The following PRELID3B variants were observed in gnomAD, a reference collection of about 807,000 sequenced individuals.
The protein encoded by PRELID3B is PRELI domain containing 3B.
PRELID3B carries 15 observed loss-of-function variants against 24.0 expected under a neutral mutation model. The observed-to-expected ratio is 0.63, with a 90% confidence interval of 0.42 to 0.96. PRELID3B has a LOEUF of 0.96. Among genes scored for constraint, PRELID3B ranks in the 40% least tolerant of loss-of-function variants. The probability of loss-of-function intolerance (pLI) is 0.00; values close to 1 mark genes in which losing one functional copy is unlikely to be tolerated. For missense variants in PRELID3B, 189 were observed against 236.0 expected, an observed-to-expected ratio of 0.80 and a Z score of 1.30; for synonymous variants, 62 against 76.0, an observed-to-expected ratio of 0.82 and a Z score of 0.96.
At chr20:59,037,096 A>G in intron 3 of PRELID3B, 95 bp downstream of exon 3, 2 of 915,416 alleles carry the variant, frequency 2.2e-6, no homozygotes, top group South Asian at 2.9e-5. Context: ...TCTGAACCAC[A>G]TCATGAACAC....
intron 1 of PRELID3B, 136 bp downstream of exon 1, chr20:59,042,563 G>T: frequency 1.1e-6 from 1 of 951,136 alleles, no homozygotes. Context: ...GTGTCGCCGG[G>T]GCCCGCAGGC....
At chr20:59,035,274 G>T in intron 5 of PRELID3B, 148 bp from the exon 6 acceptor site, 2 of 662,648 alleles carry the variant, frequency 3.0e-6, no homozygotes, top group African/African-American at 1.8e-5. Context: ...TTTTTCTAAT[G>T]TTATTTAGCA....
intron 1 of PRELID3B, among the ~76,000 whole-genome samples, chr20:59,042,165 C>T (rs1205244799): frequency 6.6e-6 from 1 of 152,192 alleles, no homozygotes; most frequent in African/African-American, 2.4e-5. Context: ...GGCTCTGCTG[C>T]GTAGATGAAC....
chr20:59,039,048 T>TTTA (rs1568698505), intron 1 of PRELID3B, among the ~76,000 whole-genome samples: 2 of 152,340 alleles, frequency 1.3e-5, no homozygotes, highest in South Asian at 4.1e-4. Context: ...ATTCTATCAG[T>TTTA]TTATACGGAA....
intron 3 of PRELID3B, 113 bp downstream of exon 3, chr20:59,037,078 A>AG (rs2092078403): frequency 2.5e-6 from 2 of 790,164 alleles, no homozygotes; most frequent in Non-Finnish European, 4.2e-6. Flanking sequence ...GCACATAAGC[A>AG]GGGATTCTCT....
chr20:59,036,118 A>G (rs1184744788), intron 5 of PRELID3B, among the ~76,000 whole-genome samples: 2 of 152,140 alleles, frequency 1.3e-5, no homozygotes, highest in African/African-American at 4.8e-5. Flanking sequence ...AGTGCCTTAA[A>G]TGACACGCAG....
At chr20:59,041,488 G>T (rs2092109856) in intron 1 of PRELID3B, among the ~76,000 whole-genome samples, 1 of 152,170 alleles carries the variant, frequency 6.6e-6, no homozygotes, top group Admixed American at 6.5e-5. Flanking sequence ...CAAGGCGGGC[G>T]AATCACCTGA....
Position 59,035,098 on chromosome 20 carries a change from TG to T in PRELID3B, c.493del (p.His165IlefsTer3), listed in dbSNP as rs1488313837. The T allele has an allele frequency of 1.9e-6, 3 of 1,613,570 alleles. No homozygotes were observed. The highest frequency in any genetic ancestry group is 2.5e-6 in the Non-Finnish European group (3 of 1,179,816). ...KGREAMEWVI[H>X]KLNAEIEELT... ...TTCTTCAATCTCAGCATTTAATTTA[TG>T]TATTACCCATTCCATTGCTTCTCGG... On this transcript the variant is annotated frameshift_variant, in exon 6 of 6. Transcript: ENST00000355937. LOFTEE classifies it high-confidence loss of function.
chr20:59,035,175 A>C (rs1195714669), intron 5 of PRELID3B, 49 bp from the exon 6 acceptor site: 1 of 1,552,016 alleles, frequency 6.4e-7, no homozygotes, highest in Non-Finnish European at 8.7e-7. Context: ...GAGCAAAGGC[A>C]TATATCGAAC....
rs182550705 is a variant in PRELID3B at position 59,034,715 on chromosome 20, A to G, written c.*292T>C. ...ATGAAAAGCTTGAAAAATCTACCTT[A>G]AGGAGACTGAATATCAATACCAGTT... On this transcript the variant is annotated 3_prime_UTR_variant, in exon 6 of 6. Transcript: ENST00000355937. The G allele has an allele frequency of 2.3e-3, 625 of 270,404 alleles. 3 individuals carry two copies. Among genetic ancestry groups the G allele is most frequent in the African/African-American group, 0.013 (588 of 44,916 alleles). 16.8% of individuals were successfully genotyped at this position (270,404 alleles called of 1,614,324 possible).
Position 59,042,744 on chromosome 20 carries a change from T to C in PRELID3B, c.-14A>G. ...CCAGATCTTCATGGTGCCGGCACCC[T>C]GAGAGATGTCCGGGTAGCGCCAGGG... is the stretch of plus-strand genomic sequence containing the variant. On this transcript the variant is annotated 5_prime_UTR_variant, in exon 1 of 6. Coordinates refer to ENST00000355937, the MANE Select transcript of PRELID3B (RefSeq NM_016045.3). 1.2e-6 allele frequency: 2 copies of C among 1,600,120 alleles called. No homozygotes were observed. The highest frequency in any genetic ancestry group is 1.1e-5 in the South Asian group (1 of 88,396).
Position 59,040,313 on chromosome 20 carries a change from G to T in PRELID3B, c.33-1679C>A, listed in dbSNP as rs2092101940. Among the ~76,000 whole-genome samples the T allele has an allele frequency of 6.6e-6, 1 of 152,206 alleles. No homozygotes were observed. The highest frequency in any genetic ancestry group is 1.5e-5 in the Non-Finnish European group (1 of 68,046). ...TGTATTAACATAATTACGTGGAAAA[G>T]ATCTCACAATGGAAGACATTCAAAG... On this transcript the variant is annotated intron_variant, in intron 1 of 5. Coordinates refer to ENST00000355937, the MANE Select transcript of PRELID3B (RefSeq NM_016045.3). This position sits in a 1 kb window ranked among gnomAD's most constrained non-coding sequence, Gnocchi z 4.1.
At chr20:59,042,572 G>T in intron 1 of PRELID3B, 127 bp downstream of exon 1, 1 of 1,055,492 alleles carries the variant, frequency 9.5e-7, no homozygotes, top group Non-Finnish European at 1.4e-6. Flanking sequence ...GGGCCCGCAG[G>T]CTTCAGAGTT....
rs1454065316 is a variant in PRELID3B, at chr20:59,034,076, C to T, written c.*931G>A. On this transcript the variant is annotated 3_prime_UTR_variant, in exon 6 of 6. Coordinates refer to ENST00000355937, the MANE Select transcript of PRELID3B (RefSeq NM_016045.3). ...CATTTGAGTAATTTCAAATGATACA[C>T]AGCTCCTTCATGTAAAAAAGATGTT... The T allele has an allele frequency of 6.6e-6, 1 of 152,192 alleles. No individual in the cohort carries two copies. The highest frequency in any genetic ancestry group is 1.5e-5 in the Non-Finnish European group (1 of 68,040). 9.4% of individuals were successfully genotyped at this position (152,192 alleles called of 1,614,324 possible).
At chr20:59,036,992 G>A (rs1242407586) in intron 3 of PRELID3B, among the ~76,000 whole-genome samples, 199 bp downstream of exon 3, 1 of 152,182 alleles carries the variant, frequency 6.6e-6, no homozygotes, top group Non-Finnish European at 1.5e-5. Flanking sequence ...TTTATTGAGT[G>A]CTATCCCCTT....
At chr20:59,037,042 G>A in intron 3 of PRELID3B, 149 bp downstream of exon 3, 3 of 663,922 alleles carry the variant, frequency 4.5e-6, no homozygotes, top group Non-Finnish European at 7.9e-6. Flanking sequence ...GGGTAAGGAA[G>A]CAACATCCAG....
Position 59,035,066 on chromosome 20 carries a change from C to T in PRELID3B, c.526G>A (p.Ala176Thr). 1 of 1,613,796 alleles carries T rather than the reference C, an allele frequency of 6.2e-7. No homozygotes were observed. The highest frequency in any genetic ancestry group is 2.2e-5 in the East Asian group (1 of 44,876). ...KLNAEIEELTASARGTIRTPM... is the reference protein window; with the variant it reads ...KLNAEIEELTTSARGTIRTPM... ...GTCCTTATGGTTCCTCTTGCTGAGGCTGTCAGTTCTTCAATCTCAGCATTT... is the reference window on the plus strand; with the variant it reads ...GTCCTTATGGTTCCTCTTGCTGAGGTTGTCAGTTCTTCAATCTCAGCATTT... Residue 176 changes from alanine (A) to threonine (T), a missense_variant, in exon 6 of 6, where the codon GCC becomes ACC. Coordinates refer to ENST00000355937, the MANE Select transcript of PRELID3B (RefSeq NM_016045.3).
intron 1 of PRELID3B, among the ~76,000 whole-genome samples, chr20:59,042,166 G>A (rs2092114769): frequency 6.6e-6 from 1 of 152,240 alleles, no homozygotes; most frequent in South Asian, 2.1e-4. Flanking sequence ...GCTCTGCTGC[G>A]TAGATGAACG....
At chr20:59,035,273 T>C (rs1164686337) in intron 5 of PRELID3B, 147 bp from the exon 6 acceptor site, 5 of 673,526 alleles carry the variant, frequency 7.4e-6, no homozygotes, top group East Asian at 5.6e-5. Flanking sequence ...CTTTTTCTAA[T>C]GTTATTTAGC....
Sources: allele counts gnomAD v4.1 joint callset (sites outside exome capture counted in the v4.1 genomes callset), GRCh38; gene constraint gnomAD v4.1.1; non-coding constraint Gnocchi (gnomAD v3.1); transcripts MANE v1.5; gene names NCBI Gene and HGNC (gene_info 2026-07-23, HGNC 2026-07-21).